Variants in ITPK1 observed in about 807,000 individuals in gnomAD.
ITPK1 encodes the protein inositol-tetrakisphosphate 1-kinase, also known as inositol 1,3,4-trisphosphate 5/6-kinase.
ITPK1 carries 21 observed loss-of-function variants against 45.3 expected under a neutral mutation model. The observed-to-expected ratio is 0.46, with a 90% CI of 0.33 to 0.67. ITPK1 has a LOEUF of 0.67. ITPK1 is among the 30% of genes least tolerant of loss of function. The pLI, the probability that ITPK1 is intolerant of heterozygous loss-of-function variation, is 0.02. For missense variants in ITPK1, 474 were observed against 573.5 expected (o/e 0.83, Z 1.77); for synonymous variants, 258 against 253.6 (o/e 1.02, Z -0.16).
At chr14:92,957,691 G>A (rs975758032) in intron 8 of ITPK1, among the ~76,000 whole-genome samples, 8 of 152,182 alleles carry the variant, frequency 5.3e-5, no homozygotes, top group Non-Finnish European at 1.2e-4. Context: ...CCTGTAACCC[G>A]GCAGCTGCTG....
intron 3 of ITPK1, among the ~76,000 whole-genome samples, chr14:93,046,394 C>T (rs1889772484): frequency 6.6e-6 from 1 of 152,224 alleles, no homozygotes; most frequent in African/African-American, 2.4e-5. Flanking sequence ...CTGGCTCAAG[C>T]TTCCTTTCCC....
intron 3 of ITPK1, among the ~76,000 whole-genome samples, chr14:93,045,003 T>G (rs1321882815): frequency 1.3e-5 from 2 of 152,184 alleles, no homozygotes; most frequent in Non-Finnish European, 2.9e-5. Flanking sequence ...AAAGGGGCAT[T>G]TAAGGTCTCC....
rs537247294 is a variant in ITPK1, at chr14:92,942,241, C to T, written c.902-337G>A. Among the ~76,000 whole-genome samples the T allele has an allele frequency of 2.0e-5, 3 of 152,266 alleles. No individual in the cohort carries two copies. The South Asian group carries it at 6.2e-4, about 32-fold the overall frequency. ...CACCCATCCACTTGCATGGTAAAAGCCAGTACATGTGCAGGGGATGTTGGC... is the reference window on the plus strand; with the variant it reads ...CACCCATCCACTTGCATGGTAAAAGTCAGTACATGTGCAGGGGATGTTGGC... On this transcript the variant is annotated intron_variant, in intron 10 of 10. Transcript: ENST00000267615.
At chr14:93,050,913 C>A (rs987896807) in intron 3 of ITPK1, among the ~76,000 whole-genome samples, 1 of 152,152 alleles carries the variant, frequency 6.6e-6, no homozygotes, top group African/African-American at 2.4e-5. Context: ...TTAATAAACA[C>A]GCCTTGCGGT....
intron 3 of ITPK1, among the ~76,000 whole-genome samples, chr14:93,022,991 GA>G (rs1478856045): frequency 1.3e-5 from 2 of 152,168 alleles, no homozygotes; most frequent in African/African-American, 4.8e-5. Flanking sequence ...CCCAGAATAT[GA>G]AAATAAAAGG....
At chr14:93,095,077 T>C (rs560817291) in intron 2 of ITPK1, among the ~76,000 whole-genome samples, 1 of 152,278 alleles carries the variant, frequency 6.6e-6, no homozygotes, top group South Asian at 2.1e-4. Context: ...CATCTAACAC[T>C]TCACCTCCTG....
chr14:92,943,919 G>A (rs776240854), intron 10 of ITPK1, among the ~76,000 whole-genome samples: 61 of 152,344 alleles, frequency 4.0e-4, no homozygotes, highest in African/African-American at 1.3e-3. Flanking sequence ...GGAGCTGAGA[G>A]GTGGAAAGGC....
Position 92,940,114 on chromosome 14 carries a change from C to G in ITPK1, c.*1447G>C. ...CCTCCTCAAAGTGGGCATCCTGCAG[C>G]CCAGCTGAGCCAGGCCGAAGGACCT... On this transcript the variant is annotated 3_prime_UTR_variant, in exon 11 of 11. Transcript: ENST00000267615. The G allele has an allele frequency of 2.0e-6, 2 of 985,826 alleles. No homozygotes were observed. The highest frequency in any genetic ancestry group is 2.4e-6 in the Non-Finnish European group (2 of 830,034). 61.1% of individuals were successfully genotyped at this position (985,826 alleles called of 1,614,324 possible). A position where few individuals can be genotyped will look rare whatever the true frequency, so the allele number is the denominator to read the frequency against.
chr14:93,080,257 G>A (rs1165154472), intron 2 of ITPK1, among the ~76,000 whole-genome samples: 2 of 152,214 alleles, frequency 1.3e-5, no homozygotes, highest in African/African-American at 2.4e-5. Flanking sequence ...AACAATCATG[G>A]CAGGGCCCCT....
At chr14:93,017,727 C>T (rs59253835) in intron 3 of ITPK1, among the ~76,000 whole-genome samples, 9,521 of 152,342 alleles carry the variant, frequency 0.062, 1,011 homozygotes, top group African/African-American at 0.22. Context: ...AGCCCCACCC[C>T]TGCTCTCATC....
chr14:92,955,608 A>G (rs1302819031), intron 8 of ITPK1, among the ~76,000 whole-genome samples: 1 of 152,158 alleles, frequency 6.6e-6, no homozygotes, highest in Non-Finnish European at 1.5e-5. Flanking sequence ...CTTCAGCTCC[A>G]GCCAAAGCCT....
intron 5 of ITPK1, among the ~76,000 whole-genome samples, chr14:92,982,035 C>T (rs990756629): frequency 1.3e-5 from 2 of 152,212 alleles, no homozygotes; most frequent in Non-Finnish European, 1.5e-5. Flanking sequence ...TGACAGGAGA[C>T]GCCACCCAGG....
chr14:93,085,224 C>T (rs530436862), intron 2 of ITPK1, among the ~76,000 whole-genome samples: 80 of 152,368 alleles, frequency 5.3e-4, no homozygotes, highest in Admixed American at 4.6e-3. Context: ...AAAGCCAGTA[C>T]AAACATTTGA....
chr14:93,018,053 A>G (rs1288786824), intron 3 of ITPK1, among the ~76,000 whole-genome samples: 2 of 151,832 alleles, frequency 1.3e-5, no homozygotes, highest in Non-Finnish European at 2.9e-5. Flanking sequence ...CCCGCTCCCC[A>G]CGCCTGCTCT....
At chr14:93,009,410 T>C (rs1287896355) in intron 4 of ITPK1, among the ~76,000 whole-genome samples, 5 of 152,174 alleles carry the variant, frequency 3.3e-5, no homozygotes, top group Admixed American at 6.5e-5. Flanking sequence ...CTCCTGCCCC[T>C]GTCCCAACTG....
chr14:93,001,542 T>C (rs4905028), intron 4 of ITPK1, among the ~76,000 whole-genome samples: 2,784 of 152,100 alleles, frequency 0.018, 68 homozygotes, highest in Admixed American at 0.076. Flanking sequence ...CAGAAGGAGA[T>C]AGGTGTCAGC....
At position 93,111,042 on chromosome 14, in the gene ITPK1, C is replaced by T. The variant is rs114242631; in HGVS notation, c.95+4027G>A. On this transcript the variant is annotated intron_variant, in intron 2 of 10. Transcript: ENST00000267615. Reference sequence around the variant, plus strand: ...CTCATCCCTCCATCCCTCATCCCTCCATCCCTCATCCCTCCATCCCTGGGC... The same window carrying T: ...CTCATCCCTCCATCCCTCATCCCTCTATCCCTCATCCCTCCATCCCTGGGC... Among the ~76,000 whole-genome samples, 1,180 of 152,004 alleles carry T rather than the reference C, an allele frequency of 7.8e-3. 17 individuals carry two copies. The highest frequency in any genetic ancestry group is 0.027 in the African/African-American group (1,116 of 41,374).
At chr14:93,106,244 G>A (rs146303437) in intron 2 of ITPK1, among the ~76,000 whole-genome samples, 223 of 143,228 alleles carry the variant, frequency 1.6e-3, no homozygotes, top group African/African-American at 5.1e-3. Context: ...CCAGACCCAC[G>A]GGGAGCATTT....
chr14:93,055,423 C>A (rs1890181018), intron 3 of ITPK1, among the ~76,000 whole-genome samples: 1 of 152,180 alleles, frequency 6.6e-6, no homozygotes, highest in Non-Finnish European at 1.5e-5. Context: ...TACTCTCCTT[C>A]ATTTTTCTCC....
Sources: gnomAD v4.1 joint callset for allele counts (sites outside exome capture counted in the v4.1 genomes callset) on GRCh38, gnomAD v4.1.1 for gene constraint, MANE v1.5 for transcripts, NCBI Gene and HGNC (gene_info 2026-07-23, HGNC 2026-07-21) for gene names.